Variants in CD163L1 observed in about 807,000 individuals in gnomAD.
The protein encoded by CD163L1 is scavenger receptor cysteine-rich type 1 protein M160.
In CD163L1, 124 loss-of-function variants were observed where a neutral mutation model predicts 165.4. That is an observed-to-expected ratio of 0.75 (90% CI 0.65 to 0.87). CD163L1 has a LOEUF of 0.87. Ranked by LOEUF, CD163L1 falls within the 40% of genes least tolerant of loss-of-function variation. CD163L1 has a pLI of 0.00. For synonymous variants in CD163L1, 585 were observed against 662.2 expected (o/e 0.88, Z 1.79); for missense variants, 1,525 against 1,799.9 (o/e 0.85, Z 2.76).
chr12:7,415,158 GAT>G (rs1001418964), intron 4 of CD163L1, among the ~76,000 whole-genome samples: 11 of 151,972 alleles, frequency 7.2e-5, no homozygotes, highest in Non-Finnish European at 1.2e-4. Context: ...AAAATATAAA[GAT>G]ATGTATATTC....
At chr12:7,407,778 T>A (rs866844616) in intron 4 of CD163L1, among the ~76,000 whole-genome samples, 38 of 135,724 alleles carry the variant, frequency 2.8e-4, no homozygotes, top group African/African-American at 1.0e-3. Context: ...CACACACACA[T>A]CCATACACAC....
downstream of CD163L1, among the ~76,000 whole-genome samples, chr12:7,350,648 G>C (rs1157140969): frequency 1.3e-5 from 2 of 152,106 alleles, no homozygotes; most frequent in Non-Finnish European, 2.9e-5. Flanking sequence ...ATAACAATCA[G>C]ATGTTGTGAA....
chr12:7,404,568 A>G (rs1002661079), intron 5 of CD163L1, among the ~76,000 whole-genome samples: 12 of 152,234 alleles, frequency 7.9e-5, no homozygotes, highest in Admixed American at 2.6e-4. Context: ...TAACCCCAAG[A>G]AAGTAAAAAT....
chr12:7,394,834 CAT>C (rs1277835022), intron 8 of CD163L1, among the ~76,000 whole-genome samples: 1 of 152,198 alleles, frequency 6.6e-6, no homozygotes, highest in East Asian at 1.9e-4. Flanking sequence ...CCAACAGACA[CAT>C]GAGAAAATGC....
At chr12:7,406,507 G>A (rs1948016820) in intron 5 of CD163L1, 25 bp downstream of exon 5, 1 of 1,598,132 alleles carries the variant, frequency 6.3e-7, no homozygotes, top group Non-Finnish European at 8.5e-7. Context: ...TTTATCTGAT[G>A]TAATCATGTG....
intron 2 of CD163L1, among the ~76,000 whole-genome samples, chr12:7,437,233 T>C: frequency 5.2e-4 from 1 of 1,908 alleles, no homozygotes; most frequent in Admixed American, 0.01. Context: ...TTTAAAAGTA[T>C]TTACTTTTAA....
the CD163L1 span, chr12:7,324,381 G>A: frequency 2.5e-6 from 4 of 1,613,974 alleles, no homozygotes; most frequent in Admixed American, 1.7e-5. Context: ...CAGAGCTGAT[G>A]ATGTCATTAT....
At chr12:7,380,350 T>TATGTGTGTATACGCGTATACATAC (rs1947365231) in intron 8 of CD163L1, among the ~76,000 whole-genome samples, 1 of 147,354 alleles carries the variant, frequency 6.8e-6, no homozygotes, top group African/African-American at 2.6e-5. Context: ...TACATACATG[T>TATGTGTGTATACGCGTATACATAC]ATGTGTGTAT....
chr12:7,421,185 G>A (rs1389529601), intron 4 of CD163L1, among the ~76,000 whole-genome samples: 1 of 131,742 alleles, frequency 7.6e-6, no homozygotes, highest in Non-Finnish European at 1.6e-5. Flanking sequence ...GTATATATAT[G>A]TGTATATATG....
At chr12:7,334,060 T>C in the CD163L1 span, among the ~76,000 whole-genome samples, 1 of 151,548 alleles carries the variant, frequency 6.6e-6, no homozygotes, top group Non-Finnish European at 1.5e-5. Context: ...CTACCAGAGG[T>C]ACAAGGAGGA....
rs1305466320 is a variant in CD163L1, at chr12:7,432,323, TC to T, written c.766+92del. On this transcript the variant is annotated intron_variant, in intron 4 of 19. Transcript: ENST00000313599. This position sits in a 1 kb window ranked among gnomAD's most constrained non-coding sequence, Gnocchi z 4.2. ...AAAATGTGTTATAACCAGAGAAAAT[TC>T]TTCTCCAGAGAATGATTGACCTTTT... 2.1e-6 allele frequency: 2 copies of T among 973,372 alleles called. No homozygotes were observed. Among genetic ancestry groups the T allele is most frequent in the Admixed American group, 5.3e-5 (2 of 37,970 alleles). The allele number at this position is 973,372 out of a possible 1,614,324, so 60.3% of individuals were successfully genotyped here.
rs367845128 is a variant in CD163L1 at position 7,421,540 on chromosome 12, TAC to T, written c.766+10874_766+10875del. ...ATATATGTACATATATACATATACGTACACATATACATATACATATATGTACA... is the reference window on the plus strand; with the variant it reads ...ATATATGTACATATATACATATACGTACATATACATATACATATATGTACA... On this transcript the variant is annotated intron_variant, in intron 4 of 19. Coordinates refer to ENST00000313599, the MANE Select transcript of CD163L1 (RefSeq NM_174941.6). Among the ~76,000 whole-genome samples the T allele has an allele frequency of 4.4e-3, 407 of 93,426 alleles. 25 individuals are homozygous for T. The highest frequency in any genetic ancestry group is 0.011 in the African/African-American group (222 of 19,630). 61.3% of individuals were successfully genotyped at this position (93,426 alleles called of 152,430 possible).
Position 7,398,716 on chromosome 12 carries a change from A to C in CD163L1, c.1409-132T>G, listed in dbSNP as rs902936320. The C allele has an allele frequency of 1.4e-6, 1 of 707,222 alleles. No homozygotes were observed. The highest frequency in any genetic ancestry group is 3.9e-5 in the Admixed American group (1 of 25,856). The allele number at this position is 707,222 out of a possible 1,614,324, so 43.8% of individuals were successfully genotyped here. On this transcript the variant is annotated intron_variant, in intron 6 of 19. Transcript: ENST00000313599. The surrounding 1 kb of genome is among the most constrained non-coding windows in gnomAD (Gnocchi z 4.5). ...ATATATTAGGCACACTTTTGAATGA[A>C]AAGTTTGGTTTTCTTTCTTTTGACA...
chr12:7,349,381 C>T (rs997364513), intron 4 of CD163L1, among the ~76,000 whole-genome samples: 99 of 152,266 alleles, frequency 6.5e-4, no homozygotes, highest in African/African-American at 2.2e-3. Context: ...TGGAAACCTT[C>T]TTGGATGCTT....
At chr12:7,386,024 G>C (rs1947508262) in intron 8 of CD163L1, among the ~76,000 whole-genome samples, 1 of 151,900 alleles carries the variant, frequency 6.6e-6, no homozygotes, top group East Asian at 1.9e-4. Context: ...ACAAAATAGA[G>C]CCTAAAAGCC....
intron 6 of CD163L1, among the ~76,000 whole-genome samples, chr12:7,402,556 T>G (rs1165777195): frequency 6.6e-6 from 1 of 152,108 alleles, no homozygotes; most frequent in African/African-American, 2.4e-5. Flanking sequence ...CCCTCCCACT[T>G]AGGACTCTCT....
chr12:7,332,434 G>T, the CD163L1 span, among the ~76,000 whole-genome samples: 3 of 150,928 alleles, frequency 2.0e-5, no homozygotes, highest in South Asian at 4.2e-4. Flanking sequence ...TACAGAGAAC[G>T]CCACAAAGAT....
chr12:7,423,395 C>CAA lies in CD163L1; in HGVS notation c.766+9020_766+9021insTT, dbSNP rs758073701. On this transcript the variant is annotated intron_variant, in intron 4 of 19. Transcript: ENST00000313599. ...GAAAGCAGGGAAGATCTAAAATTGA[C>CAA]ACCCTAACATCACAATTAAAAGAAC... Among the ~76,000 whole-genome samples the CAA allele has an allele frequency of 3.3e-5, 5 of 152,184 alleles. No individual in the cohort carries two copies. In the South Asian group the frequency reaches 1.0e-3, roughly 32 times the overall value.
chr12:7,328,889 G>GTATACATCTGTATATATGTA, the CD163L1 span, among the ~76,000 whole-genome samples: 1 of 149,968 alleles, frequency 6.7e-6, no homozygotes, highest in Non-Finnish European at 1.5e-5. Flanking sequence ...ATATCTGAAT[G>GTATACATCTGTATATATGTA]TATACATCTG....
Sources: allele counts gnomAD v4.1 joint callset (sites outside exome capture counted in the v4.1 genomes callset), GRCh38; gene constraint gnomAD v4.1.1; non-coding constraint Gnocchi (gnomAD v3.1); transcripts MANE v1.5; gene names NCBI Gene and HGNC (gene_info 2026-07-23, HGNC 2026-07-21).